CNTNAP4: variants seen among roughly 807,000 people sequenced by gnomAD.
The protein encoded by CNTNAP4 is contactin associated protein family member 4.
CNTNAP4 carries 98 observed loss-of-function variants against 148.4 expected under a neutral mutation model. The observed-to-expected ratio is 0.66, with a 90% CI of 0.56 to 0.78. The LOEUF (loss-of-function observed/expected upper bound fraction) is 0.78, where lower values mean the gene tolerates loss of function less well. Among genes scored for constraint, CNTNAP4 ranks in the 30% least tolerant of loss-of-function variants. The pLI is 0.00. For missense variants in CNTNAP4, 1,935 were observed against 1,565.6 expected, an observed-to-expected ratio of 1.24 and a Z score of -3.98; for synonymous variants, 730 against 565.1, an observed-to-expected ratio of 1.29 and a Z score of -4.14.
chr16:76,467,251 A>C (rs975835406), intron 9 of CNTNAP4, 101 bp from the exon 10 acceptor site: 2 of 1,023,446 alleles, frequency 2.0e-6, no homozygotes, highest in African/African-American at 3.2e-5. Flanking sequence ...AATACAGAAA[A>C]TAATCATATG....
intron 2 of CNTNAP4, among the ~76,000 whole-genome samples, chr16:76,335,399 A>T: frequency 6.6e-6 from 1 of 152,182 alleles, no homozygotes; most frequent in East Asian, 1.9e-4. Flanking sequence ...CAGCTTGGGA[A>T]CAAAGCTCAT....
intron 4 of CNTNAP4, among the ~76,000 whole-genome samples, chr16:76,434,963 G>A (rs4448978): frequency 0.99 from 150,493 of 152,304 alleles, 74,378 homozygotes; most frequent in East Asian, 1. Context: ...CCTAAAATCA[G>A]CGTCAACTCA....
At chr16:76,392,154 C>G (rs1256133807) in intron 3 of CNTNAP4, among the ~76,000 whole-genome samples, 3 of 152,070 alleles carry the variant, frequency 2.0e-5, no homozygotes, top group African/African-American at 7.2e-5. Context: ...CCACCACACC[C>G]AGCTAATTTT....
chr16:76,472,168 A>C (rs2081400450), intron 10 of CNTNAP4, among the ~76,000 whole-genome samples: 1 of 151,994 alleles, frequency 6.6e-6, no homozygotes, highest in Admixed American at 6.6e-5. Context: ...TGGAGTGAGT[A>C]GGGAGGAGAA....
chr16:76,488,995 G>A (rs2082119359), intron 12 of CNTNAP4, among the ~76,000 whole-genome samples: 2 of 152,166 alleles, frequency 1.3e-5, no homozygotes, highest in South Asian at 4.1e-4. Flanking sequence ...ATTCAAAAGA[G>A]TAACTTCCTA....
At chr16:76,345,936 C>A (rs904467433) in intron 2 of CNTNAP4, among the ~76,000 whole-genome samples, 3 of 152,172 alleles carry the variant, frequency 2.0e-5, no homozygotes, top group African/African-American at 7.2e-5. Context: ...AATGTCCCTT[C>A]TTGCCTGTGA....
At chr16:76,309,938 G>A (rs781137853) in intron 1 of CNTNAP4, 2 of 700,700 alleles carry the variant, frequency 2.9e-6, no homozygotes, top group South Asian at 1.5e-5. Flanking sequence ...TTTCTTCCCC[G>A]TCTCGGGTAT....
At chr16:76,347,388 C>T (rs984109496) in intron 2 of CNTNAP4, among the ~76,000 whole-genome samples, 7 of 152,126 alleles carry the variant, frequency 4.6e-5, no homozygotes, top group African/African-American at 7.2e-5. Flanking sequence ...ATGTGCTAGA[C>T]ACTTGGGGTC....
intron 3 of CNTNAP4, among the ~76,000 whole-genome samples, chr16:76,403,142 G>C (rs1036579669): frequency 1.3e-5 from 2 of 151,558 alleles, no homozygotes; most frequent in African/African-American, 4.9e-5. Context: ...TCCGGGGCTG[G>C]AGTGCAGTGG....
At chr16:76,344,279 C>G (rs776611761) in intron 2 of CNTNAP4, among the ~76,000 whole-genome samples, 11 of 152,116 alleles carry the variant, frequency 7.2e-5, no homozygotes, top group Non-Finnish European at 1.3e-4. Context: ...TGAAGTGATT[C>G]TGCCCCAGAA....
intron 2 of CNTNAP4, among the ~76,000 whole-genome samples, chr16:76,319,803 C>G (rs1053013422): frequency 2.6e-5 from 4 of 152,198 alleles, no homozygotes; most frequent in South Asian, 2.1e-4. Flanking sequence ...GGGTTCTTCT[C>G]TAAGCCCACA....
intron 21 of CNTNAP4, among the ~76,000 whole-genome samples, chr16:76,552,366 T>C (rs982045914): frequency 3.3e-5 from 5 of 152,304 alleles, no homozygotes; most frequent in Middle Eastern, 6.8e-3. Flanking sequence ...TTTTTTTTTA[T>C]CACACTGGGT....
chr16:76,502,299 C>T (rs1055817788), intron 15 of CNTNAP4, among the ~76,000 whole-genome samples: 54 of 151,590 alleles, frequency 3.6e-4, no homozygotes, highest in African/African-American at 1.1e-3. Flanking sequence ...TGAGCAGTGG[C>T]TTCAGAACAG....
Position 76,382,060 on chromosome 16 carries a change from C to CAAA in CNTNAP4, c.390+26575_390+26577dup, listed in dbSNP as rs67028367. Among the ~76,000 whole-genome samples, 38 of 53,320 alleles carry CAAA rather than the reference C, an allele frequency of 7.1e-4. 3 individuals are homozygous for CAAA. The highest frequency in any genetic ancestry group is 1.7e-3 in the East Asian group (3 of 1,736). 35.0% of individuals were successfully genotyped at this position (53,320 alleles called of 152,430 possible). A position where few individuals can be genotyped will look rare whatever the true frequency, so the allele number is the denominator to read the frequency against. On this transcript the variant is annotated intron_variant, in intron 3 of 23. Transcript: ENST00000611870. ...TGGGGGACAGAGCGAGACTCCGTCTCAAAAAAAAAAAAAAAAAAAAAAAAA... is the reference window on the plus strand; with the variant it reads ...TGGGGGACAGAGCGAGACTCCGTCTCAAAAAAAAAAAAAAAAAAAAAAAAAAAA...
intron 2 of CNTNAP4, among the ~76,000 whole-genome samples, chr16:76,349,958 A>G (rs1237421720): frequency 6.6e-6 from 1 of 152,076 alleles, no homozygotes; most frequent in East Asian, 1.9e-4. Context: ...TCTATATTTT[A>G]AAGCTCCAAC....
intron 1 of CNTNAP4, among the ~76,000 whole-genome samples, chr16:76,293,389 A>T (rs1175557185): frequency 6.6e-6 from 1 of 152,172 alleles, no homozygotes; most frequent in South Asian, 2.1e-4. Context: ...AGCACCTTTA[A>T]GCATTTGCTC....
chr16:76,417,800 C>T (rs964716729), intron 3 of CNTNAP4, among the ~76,000 whole-genome samples: 6 of 151,646 alleles, frequency 4.0e-5, no homozygotes, highest in Non-Finnish European at 8.9e-5. Flanking sequence ...TCGATGCATT[C>T]CCTCAGTTTT....
At chr16:76,397,041 G>A (rs1034834790) in intron 3 of CNTNAP4, among the ~76,000 whole-genome samples, 1 of 152,110 alleles carries the variant, frequency 6.6e-6, no homozygotes, top group African/African-American at 2.4e-5. Flanking sequence ...TCATAAAGAG[G>A]TCTCATGGGT....
chr16:76,460,184 C>T (rs927288163), intron 8 of CNTNAP4, among the ~76,000 whole-genome samples: 3 of 151,886 alleles, frequency 2.0e-5, no homozygotes, highest in East Asian at 2.0e-4. Flanking sequence ...CTCGGCTCAC[C>T]GCAACCTTTG....
Sources: gnomAD v4.1 joint callset for allele counts (sites outside exome capture counted in the v4.1 genomes callset) on GRCh38, gnomAD v4.1.1 for gene constraint, MANE v1.5 for transcripts, NCBI Gene and HGNC (gene_info 2026-07-23, HGNC 2026-07-21) for gene names.